Variants in ARNT2 observed in about 807,000 individuals in gnomAD.
ARNT2 encodes the protein ARNT protein 2.
A neutral mutation model predicts 91.7 loss-of-function variants in ARNT2; 36 were observed. That is an observed-to-expected ratio of 0.39 (90% CI 0.30 to 0.52). The LOEUF (loss-of-function observed/expected upper bound fraction) is 0.52, where lower values mean the gene tolerates loss of function less well. Among genes scored for constraint, ARNT2 ranks in the 20% least tolerant of loss-of-function variants. ARNT2 has a pLI of 0.72. For synonymous variants in ARNT2, 365 were observed against 347.1 expected (o/e 1.05, Z -0.57); for missense variants, 775 against 939.3 (o/e 0.83, Z 2.29).
chr15:80,520,197 G>C (rs1897517626), intron 8 of ARNT2, among the ~76,000 whole-genome samples: 1 of 152,018 alleles, frequency 6.6e-6, no homozygotes, highest in Non-Finnish European at 1.5e-5. Context: ...TAAACAAGAT[G>C]CATAATCAAA....
chr15:80,477,164 C>T (rs1896819363), intron 5 of ARNT2, among the ~76,000 whole-genome samples: 1 of 152,236 alleles, frequency 6.6e-6, no homozygotes, highest in African/African-American at 2.4e-5. Flanking sequence ...GCTTTTTGTA[C>T]AGCCTGCAGA....
chr15:80,442,000 TTCTG>T (rs1205098813), intron 1 of ARNT2, among the ~76,000 whole-genome samples: 3 of 152,236 alleles, frequency 2.0e-5, no homozygotes, highest in South Asian at 2.1e-4. Context: ...ATACAGATAT[TTCTG>T]TCTATTTGTG....
intron 18 of ARNT2, 148 bp from the exon 19 acceptor site, chr15:80,593,452 A>G (rs1324068953): frequency 1.6e-5 from 10 of 625,426 alleles, no homozygotes; most frequent in Non-Finnish European, 5.6e-6. Flanking sequence ...ACCCTTGCAG[A>G]GCATCCCGCA....
At chr15:80,551,319 AT>A in intron 9 of ARNT2, 44 bp downstream of exon 9, 1 of 1,547,962 alleles carries the variant, frequency 6.5e-7, no homozygotes, top group Non-Finnish European at 8.9e-7. Context: ...ATGAAGGCTT[AT>A]TGCCACAAAG....
chr15:80,524,448 C>T (rs1031577171), intron 8 of ARNT2, among the ~76,000 whole-genome samples: 12 of 152,076 alleles, frequency 7.9e-5, no homozygotes, highest in African/African-American at 2.9e-4. Context: ...TGTGTTGAAG[C>T]ATTAATAATA....
intron 1 of ARNT2, among the ~76,000 whole-genome samples, chr15:80,419,418 G>T (rs901382121): frequency 6.6e-6 from 1 of 152,236 alleles, no homozygotes; most frequent in Admixed American, 6.5e-5. Flanking sequence ...GTCGAACTGA[G>T]CCTTGAAAGG....
chr15:80,476,414 G>T (rs372007899), intron 5 of ARNT2, among the ~76,000 whole-genome samples: 8 of 152,220 alleles, frequency 5.3e-5, no homozygotes, highest in African/African-American at 1.7e-4. Context: ...ATTATGCTCA[G>T]ATTGTTCCTT....
intron 3 of ARNT2, among the ~76,000 whole-genome samples, chr15:80,464,058 A>T (rs1339996820): frequency 6.6e-6 from 1 of 152,182 alleles, no homozygotes; most frequent in African/African-American, 2.4e-5. Flanking sequence ...CACTTCTGGG[A>T]TCATAAGCAG....
chr15:80,519,891 G>A (rs1897508065), intron 8 of ARNT2, among the ~76,000 whole-genome samples: 1 of 148,490 alleles, frequency 6.7e-6, no homozygotes, highest in Admixed American at 6.7e-5. Context: ...CTAGAGATGG[G>A]GTTTCACCAT....
intron 18 of ARNT2, among the ~76,000 whole-genome samples, chr15:80,592,720 C>A (rs777022937): frequency 6.6e-6 from 1 of 152,242 alleles, no homozygotes; most frequent in African/African-American, 2.4e-5. Context: ...CAGCCATCTC[C>A]TCCTTCCTCC....
chr15:80,428,014 T>A (rs745465612), intron 1 of ARNT2, among the ~76,000 whole-genome samples: 7 of 152,236 alleles, frequency 4.6e-5, no homozygotes, highest in Non-Finnish European at 8.8e-5. Context: ...CTCGGCCTGA[T>A]AATGAGGAGG....
Position 80,552,750 on chromosome 15 carries a change from C to T in ARNT2, c.1065C>T (p.Ile355=). 7 of 1,614,068 alleles carry T rather than the reference C, an allele frequency of 4.3e-6. No individual in the cohort carries two copies. The highest frequency in any genetic ancestry group is 5.9e-6 in the Non-Finnish European group (7 of 1,179,986). The change falls in exon 10 of 19, where the codon ATC becomes ATT. Residue 355 remains isoleucine, a synonymous_variant. Coordinates refer to ENST00000303329, the MANE Select transcript of ARNT2 (RefSeq NM_014862.4). The stretch of plus-strand genomic sequence containing the variant: ...TCACATTTGTGGATCCAAGATGTAT[C>T]AGTGTGATTGGCTACCAACCCCAGG... ...GIITFVDPRC[I]SVIGYQPQDL... is the part of the protein sequence containing the mutation.
At chr15:80,453,118 C>A (rs530531538) in intron 2 of ARNT2, among the ~76,000 whole-genome samples, 1 of 152,154 alleles carries the variant, frequency 6.6e-6, no homozygotes, top group African/African-American at 2.4e-5. Flanking sequence ...CTTTCCTTCC[C>A]GGGTCACACA....
Position 80,508,155 on chromosome 15 carries a change from G to C in ARNT2, c.623-1G>C, listed in dbSNP as rs1189374021. On this transcript the variant is annotated splice_acceptor_variant, in intron 5 of 18. Transcript: ENST00000303329. LOFTEE classifies it high-confidence loss of function. ...CGTAACTGTCCTTCTCTCTCTCTTA[G>C]GCCGGATCTTGGACCTGAAGACTGG... 1 of 1,613,956 alleles carries C rather than the reference G, an allele frequency of 6.2e-7. No individual in the cohort carries two copies. Among genetic ancestry groups the C allele is most frequent in the Non-Finnish European group, 8.5e-7 (1 of 1,179,942 alleles).
chr15:80,498,056 G>A (rs983090108), intron 5 of ARNT2, among the ~76,000 whole-genome samples: 3 of 152,160 alleles, frequency 2.0e-5, no homozygotes, highest in Admixed American at 1.3e-4. Context: ...ACAGCCAGCT[G>A]CACCATCGGG....
At chr15:80,473,351 G>A (rs752720046) in intron 4 of ARNT2, among the ~76,000 whole-genome samples, 4 of 152,158 alleles carry the variant, frequency 2.6e-5, no homozygotes, top group Non-Finnish European at 5.9e-5. Context: ...GGTCCGTGAT[G>A]CGAGCAGGGC....
chr15:80,480,099 T>C (rs561065658), intron 5 of ARNT2, among the ~76,000 whole-genome samples: 2 of 152,148 alleles, frequency 1.3e-5, no homozygotes, highest in Middle Eastern at 3.4e-3. Context: ...GGTTACAGGA[T>C]TCTGAGAAGA....
intron 10 of ARNT2, 100 bp downstream of exon 10, chr15:80,552,874 G>A: frequency 6.9e-7 from 1 of 1,456,056 alleles, no homozygotes; most frequent in South Asian, 1.3e-5. Context: ...GCCATGTGGA[G>A]AAACATCATA....
At chr15:80,524,733 G>A (rs1007638237) in intron 8 of ARNT2, among the ~76,000 whole-genome samples, 2 of 151,976 alleles carry the variant, frequency 1.3e-5, no homozygotes, top group African/African-American at 2.4e-5. Context: ...AAATTAGCTG[G>A]GCGTGGTGGC....
Sources: gnomAD v4.1 joint callset for allele counts (sites outside exome capture counted in the v4.1 genomes callset) on GRCh38, gnomAD v4.1.1 for gene constraint, MANE v1.5 for transcripts, NCBI Gene and HGNC (gene_info 2026-07-23, HGNC 2026-07-21) for gene names.